The following SYNE2 variants were observed in gnomAD, a reference collection of about 807,000 sequenced individuals.
The protein encoded by SYNE2 is nesprin-2.
In SYNE2, 431 loss-of-function variants were observed where a neutral mutation model predicts 856.3. The observed-to-expected ratio is 0.50, with a 90% CI of 0.47 to 0.55. The LOEUF is 0.55. Ranked by LOEUF, SYNE2 falls within the 20% of genes least tolerant of loss-of-function variation. The probability of loss-of-function intolerance (pLI) is 0.00; values close to 1 mark genes in which losing one functional copy is unlikely to be tolerated. For missense variants in SYNE2, 8,129 were observed against 8,023.2 expected, an observed-to-expected ratio of 1.01 and a Z score of -0.50; for synonymous variants, 2,923 against 2,872.3, an observed-to-expected ratio of 1.02 and a Z score of -0.56.
intron 1 of SYNE2, among the ~76,000 whole-genome samples, chr14:63,899,153 G>C (rs2153314144): frequency 6.6e-6 from 1 of 151,958 alleles, no homozygotes; most frequent in African/African-American, 2.4e-5. Context: ...ATTATGTGTT[G>C]ATTTCACATT....
intron 30 of SYNE2, among the ~76,000 whole-genome samples, chr14:64,003,860 C>T (rs995117317): frequency 6.6e-5 from 10 of 152,192 alleles, no homozygotes; most frequent in African/African-American, 1.9e-4. Context: ...GGAGATGGAA[C>T]AGAGTTGCAG....
At chr14:63,860,697 C>T (rs191366565) in intron 1 of SYNE2, among the ~76,000 whole-genome samples, 5 of 152,336 alleles carry the variant, frequency 3.3e-5, no homozygotes, top group Non-Finnish European at 7.4e-5. Flanking sequence ...TAGCTCTTCT[C>T]TATCGGGCTG....
chr14:64,016,731 G>A (rs1396588335), intron 33 of SYNE2, 100 bp downstream of exon 33: 1 of 834,490 alleles, frequency 1.2e-6, no homozygotes, highest in South Asian at 1.7e-5. Context: ...AATACTCATT[G>A]TAAAAATGTT....
At position 64,132,302 on chromosome 14, in the gene SYNE2, T is replaced by A. The variant is rs1281282356; in HGVS notation, c.14378T>A (p.Ile4793Asn). The change falls in exon 77 of 116, where the codon ATC becomes AAC. Residue 4793 changes from isoleucine to asparagine, a missense_variant. Physicochemically the swap from Ile to Asn is moderately radical, Grantham distance 149 (BLOSUM62 -3). This residue lies in a region of SYNE2 where 5,410 missense variants were observed against 5,284.8 expected (regional missense o/e 1.02). Transcript: ENST00000555002. ...AAGCTTGTTGCTGACATGTTGTTGA[T>A]CCAAGCATACTCTGCCAAAATACTT... ...FQKLVADMLL[I>N]QAYSAKILPS... is the part of the protein sequence containing the mutation. The A allele has an allele frequency of 1.2e-6, 2 of 1,614,014 alleles. No homozygotes were observed. The highest frequency in any genetic ancestry group is 1.7e-6 in the Non-Finnish European group (2 of 1,180,048).
At chr14:64,076,183 C>A in intron 54 of SYNE2, 83 bp downstream of exon 54, 1 of 1,481,106 alleles carries the variant, frequency 6.8e-7, no homozygotes, top group Non-Finnish European at 9.3e-7. Flanking sequence ...TGTCAAATTC[C>A]ATTTGCCAGG....
rs2098667488 is a variant in SYNE2, at chr14:64,216,552, T to C, written c.19542+165T>C. On this transcript the variant is annotated intron_variant, in intron 108 of 115. Transcript: ENST00000555002. ...CTCTGTTGAGCTGTCCATACTTCAT[T>C]AGAACCCCGGCAAAACCGATTAGAC... The C allele has an allele frequency of 4.9e-6, 4 of 811,114 alleles. No homozygotes were observed. In the South Asian group the frequency reaches 5.7e-5, roughly 12 times the overall value. The allele number at this position is 811,114 out of a possible 1,614,324, so 50.2% of individuals were successfully genotyped here.
chr14:63,899,063 ACTGT>A (rs1402634424), intron 1 of SYNE2, among the ~76,000 whole-genome samples: 1 of 152,156 alleles, frequency 6.6e-6, no homozygotes. Context: ...GCACCATTCT[ACTGT>A]CTGTCTCTAT....
chr14:63,952,209 G>A (rs886643827), intron 7 of SYNE2, among the ~76,000 whole-genome samples: 3 of 152,144 alleles, frequency 2.0e-5, no homozygotes, highest in Non-Finnish European at 4.4e-5. Context: ...CCGTCTTTGT[G>A]GTATTGGCTT....
intron 1 of SYNE2, among the ~76,000 whole-genome samples, chr14:63,907,487 T>G (rs1274099130): frequency 6.6e-6 from 1 of 152,182 alleles, no homozygotes; most frequent in Non-Finnish European, 1.5e-5. Context: ...AGTTCCTAAC[T>G]CTTACCATTG....
intron 51 of SYNE2, among the ~76,000 whole-genome samples, chr14:64,069,690 C>T (rs2097388500): frequency 6.6e-6 from 1 of 152,166 alleles, no homozygotes; most frequent in Non-Finnish European, 1.5e-5. Context: ...AACAACTTGA[C>T]CTTTATCTTA....
Position 64,027,493 on chromosome 14 carries a change from A to G in SYNE2, c.6414A>G (p.Glu2138=). The change falls in exon 43 of 116, where the codon GAA becomes GAG. Residue 2138 remains glutamate (E), a synonymous_variant. Transcript: ENST00000555002. ...HLASTYLSHQ[E]KLLLEGEKYL... is the part of the protein sequence containing the mutation. ...ATTTTGTGAAATTTAGCCATCAAGA[A>G]AAGCTTCTACTAGAAGGAGAGAAAT... The G allele has an allele frequency of 1.3e-6, 2 of 1,586,660 alleles. No homozygotes were observed. Among genetic ancestry groups the G allele is most frequent in the East Asian group, 4.5e-5 (2 of 44,684 alleles).
upstream of SYNE2, among the ~76,000 whole-genome samples, chr14:63,850,111 C>T (rs939451050): frequency 4.4e-5 from 6 of 135,122 alleles, no homozygotes; most frequent in South Asian, 4.6e-4. Context: ...GATGGAGTTT[C>T]GCTCTTGTTG....
At chr14:64,130,816 C>T (rs892370256) in intron 76 of SYNE2, among the ~76,000 whole-genome samples, 1 of 149,606 alleles carries the variant, frequency 6.7e-6, no homozygotes, top group Non-Finnish European at 1.5e-5. Context: ...ACTCAGGAGG[C>T]GGAGGTTGCA....
chr14:64,118,515 T>TA (rs1163966581), intron 66 of SYNE2, among the ~76,000 whole-genome samples: 2 of 152,158 alleles, frequency 1.3e-5, no homozygotes, highest in East Asian at 1.9e-4. Flanking sequence ...TTCAAACAGT[T>TA]ACGTGGAATT....
At chr14:63,769,148 T>C (rs1392843836) in intron 1 of SYNE2, among the ~76,000 whole-genome samples, 2 of 152,172 alleles carry the variant, frequency 1.3e-5, no homozygotes, top group Admixed American at 6.6e-5. Context: ...AAAACAAGCT[T>C]AACTTGTAGG....
upstream of SYNE2, among the ~76,000 whole-genome samples, chr14:63,849,423 T>G (rs1202990952): frequency 6.6e-6 from 1 of 152,204 alleles, no homozygotes; most frequent in African/African-American, 2.4e-5. Flanking sequence ...GGTGAATCAC[T>G]TAACATTATT....
intron 78 of SYNE2, 66 bp from the exon 79 acceptor site, chr14:64,137,721 A>T: frequency 6.5e-7 from 1 of 1,545,390 alleles, no homozygotes; most frequent in Non-Finnish European, 8.9e-7. Context: ...TAAATGCAGT[A>T]TTTGTGAATA....
intron 99 of SYNE2, 85 bp downstream of exon 99, chr14:64,190,322 G>C: frequency 1.9e-6 from 3 of 1,556,740 alleles, no homozygotes; most frequent in Non-Finnish European, 2.7e-6. Context: ...CTTCCTCTAA[G>C]ATGATCCAGC....
At chr14:63,950,120 C>T (rs918613163) in intron 7 of SYNE2, 114 bp downstream of exon 7, 4 of 1,168,348 alleles carry the variant, frequency 3.4e-6, no homozygotes, top group Non-Finnish European at 5.1e-6. Context: ...TATCCCCCTT[C>T]CTCTCTGTGC....
Sources: allele counts gnomAD v4.1 joint callset (sites outside exome capture counted in the v4.1 genomes callset), GRCh38; gene constraint gnomAD v4.1.1; regional missense constraint gnomAD v4.1.1; transcripts MANE v1.5; gene names NCBI Gene and HGNC (gene_info 2026-07-23, HGNC 2026-07-21).